BTBD8: variants seen among roughly 807,000 people sequenced by gnomAD.
BTBD8 encodes BTB/POZ domain-containing protein 8.
In BTBD8, 110 loss-of-function variants were observed where a neutral mutation model predicts 162.9. The ratio of observed to expected loss-of-function variants is 0.68; its 90% CI spans 0.58 to 0.79. The LOEUF is 0.79. BTBD8 is among the 30% of genes least tolerant of loss of function. The pLI, the probability that BTBD8 is intolerant of heterozygous loss-of-function variation, is 0.00. For missense variants in BTBD8, 1,905 were observed against 2,085.4 expected, an observed-to-expected ratio of 0.91 and a Z score of 1.68; for synonymous variants, 667 against 716.1, an observed-to-expected ratio of 0.93 and a Z score of 1.10.
chr1:92,102,787 G>A, intron 3 of BTBD8, 118 bp downstream of exon 3: 1 of 977,454 alleles, frequency 1.0e-6, no homozygotes, highest in Non-Finnish European at 1.4e-6. Flanking sequence ...AATAAGCATG[G>A]AGAACTGAAA....
At chr1:92,124,242 C>A (rs532816197) in intron 4 of BTBD8, among the ~76,000 whole-genome samples, 115 of 152,306 alleles carry the variant, frequency 7.6e-4, no homozygotes, top group African/African-American at 2.7e-3. Flanking sequence ...GTTCTGATGC[C>A]TTGAAAGCAT....
chr1:92,142,757 C>T (rs1649807931), intron 7 of BTBD8, among the ~76,000 whole-genome samples: 1 of 152,170 alleles, frequency 6.6e-6, no homozygotes, highest in African/African-American at 2.4e-5. Context: ...GAGTTCTTAT[C>T]TACAGAGAGG....
intron 13 of BTBD8, among the ~76,000 whole-genome samples, chr1:92,176,291 T>C (rs1176731128): frequency 6.6e-6 from 1 of 152,160 alleles, no homozygotes; most frequent in Non-Finnish European, 1.5e-5. Flanking sequence ...GGTTAAAAAA[T>C]GAGCTCAAGT....
intron 6 of BTBD8, chr1:92,139,636 A>AT: frequency 3.8e-6 from 4 of 1,044,084 alleles, no homozygotes; most frequent in Non-Finnish European, 4.8e-6. Flanking sequence ...CAGTAATAAG[A>AT]TTGAGAACAG....
At chr1:92,131,561 T>C (rs1170803684) in intron 5 of BTBD8, among the ~76,000 whole-genome samples, 1 of 152,008 alleles carries the variant, frequency 6.6e-6, no homozygotes, top group African/African-American at 2.4e-5. Context: ...ACGTCTCTAC[T>C]AAAAATACAA....
chr1:92,179,376 G>T (rs1163666947), intron 16 of BTBD8, among the ~76,000 whole-genome samples: 1 of 152,078 alleles, frequency 6.6e-6, no homozygotes, highest in African/African-American at 2.4e-5. Context: ...AACGAAAAGA[G>T]TACTGATCAG....
chr1:92,172,693 A>G (rs1650584669), intron 13 of BTBD8, among the ~76,000 whole-genome samples: 2 of 152,194 alleles, frequency 1.3e-5, no homozygotes, highest in African/African-American at 4.8e-5. Context: ...GGAATAGGAA[A>G]TCCTTTTTTC....
chr1:92,180,669 T>C lies in BTBD8; in HGVS notation c.2986T>C (p.Ser996Pro). 1 of 1,551,422 alleles carries C rather than the reference T, an allele frequency of 6.4e-7. No homozygotes were observed. The highest frequency in any genetic ancestry group is 8.7e-7 in the Non-Finnish European group (1 of 1,146,924). The change falls in exon 17 of 18, where the codon TCT (serine) becomes CCT (proline). Residue 996 changes from serine to proline, a missense_variant. Ser to Pro is a moderately conservative substitution (Grantham distance 74). Around this residue, in one of 3 missense-constraint regions of BTBD8, gnomAD observed 1,374 missense variants for 1,442.7 expected, o/e 0.95. Coordinates refer to ENST00000636805, the MANE Select transcript of BTBD8 (RefSeq NM_001376131.1). ...KPHKPLINLA[S>P]EISDAEALQS... ...TCACAAACCTCTCATTAATCTTGCA[T>C]CTGAAATAAGTGATGCAGAAGCACT...
intron 2 of BTBD8, among the ~76,000 whole-genome samples, chr1:92,089,926 C>T (rs1283858284): frequency 6.6e-6 from 1 of 152,200 alleles, no homozygotes; most frequent in Non-Finnish European, 1.5e-5. Context: ...GAATTGTCAT[C>T]AGCTAAATAA....
In BTBD8 at chr1:92,182,069, T is replaced by C. The variant is rs1356411827; in HGVS notation, c.4386T>C (p.Ser1462=). The C allele has an allele frequency of 1.3e-6, 2 of 1,551,610 alleles. No homozygotes were observed. Among genetic ancestry groups the C allele is most frequent in the Non-Finnish European group, 1.7e-6 (2 of 1,146,948 alleles). ...EGEVHTPFQA[S]VDSFSPSDVF... ...AAGTCCATACTCCCTTTCAGGCTTC[T>C]GTAGATTCTTTTTCACCTTCTGATG... Residue 1462 remains serine (S), a synonymous_variant, in exon 17 of 18, where the codon TCT becomes TCC. Transcript: ENST00000636805.
At chr1:92,096,700 G>T (rs1203543995) in intron 2 of BTBD8, among the ~76,000 whole-genome samples, 1 of 151,966 alleles carries the variant, frequency 6.6e-6, no homozygotes, top group African/African-American at 2.4e-5. Flanking sequence ...ACCACACCTG[G>T]CTAATTTTTC....
chr1:92,151,642 A>G (rs1337374353), intron 9 of BTBD8, among the ~76,000 whole-genome samples: 1 of 152,020 alleles, frequency 6.6e-6, no homozygotes, highest in East Asian at 1.9e-4. Flanking sequence ...TGTACCCATC[A>G]CCTGAACAAT....
intron 1 of BTBD8, among the ~76,000 whole-genome samples, chr1:92,088,254 G>A (rs1648211096): frequency 6.6e-6 from 1 of 152,068 alleles, no homozygotes; most frequent in East Asian, 1.9e-4. Context: ...GTTTGTTGCT[G>A]TCATTAACTA....
chr1:92,148,705 C>T (rs1228783792), intron 9 of BTBD8, among the ~76,000 whole-genome samples: 3 of 152,208 alleles, frequency 2.0e-5, no homozygotes, highest in Admixed American at 2.0e-4. Context: ...CAACTTTAGG[C>T]TCTGCTGATT....
chr1:92,138,736 A>G (rs1242599669), intron 5 of BTBD8, among the ~76,000 whole-genome samples: 2 of 152,224 alleles, frequency 1.3e-5, no homozygotes, highest in Non-Finnish European at 2.9e-5. Context: ...GCTCTCAACA[A>G]GATGGGAATA....
intron 7 of BTBD8, among the ~76,000 whole-genome samples, chr1:92,146,226 A>G (rs2100635455): frequency 6.6e-6 from 1 of 152,324 alleles, no homozygotes; most frequent in Non-Finnish European, 1.5e-5. Context: ...AAAGAGTTCA[A>G]ATGATATGCC....
intron 13 of BTBD8, among the ~76,000 whole-genome samples, chr1:92,174,373 T>G (rs1368103417): frequency 6.6e-6 from 1 of 151,992 alleles, no homozygotes; most frequent in East Asian, 1.9e-4. Flanking sequence ...TTTTTTTTTG[T>G]AGAGGCGGGG....
chr1:92,116,115 C>T (rs754934684), intron 4 of BTBD8, among the ~76,000 whole-genome samples: 15 of 152,066 alleles, frequency 9.9e-5, no homozygotes, highest in South Asian at 4.2e-4. Flanking sequence ...GTTGTCTAGA[C>T]GTATGTTTAA....
chr1:92,147,796 A>T lies in BTBD8; in HGVS notation c.1122+10A>T. ...GTTGATTCAGTCCTTAGTAAGTATA[A>T]CCTGAATACTCTTTTGTGTGTTTGC... On this transcript the variant is annotated intron_variant, in intron 9 of 17. Coordinates refer to ENST00000636805, the MANE Select transcript of BTBD8 (RefSeq NM_001376131.1). 1 of 1,585,944 alleles carries T rather than the reference A, an allele frequency of 6.3e-7. No homozygotes were observed. Among genetic ancestry groups the T allele is most frequent in the Non-Finnish European group, 8.6e-7 (1 of 1,160,336 alleles).
Sources: gnomAD v4.1 joint callset for allele counts (sites outside exome capture counted in the v4.1 genomes callset) on GRCh38, gnomAD v4.1.1 for gene constraint, gnomAD v4.1.1 regional missense constraint, MANE v1.5 for transcripts, NCBI Gene and HGNC (gene_info 2026-07-23, HGNC 2026-07-21) for gene names.